Variants in CACNA2D3 observed in about 807,000 individuals in gnomAD.
The protein encoded by CACNA2D3 is voltage-dependent calcium channel subunit alpha-2/delta-3.
A neutral mutation model predicts 160.6 loss-of-function variants in CACNA2D3; 60 were observed. The ratio of observed to expected loss-of-function variants is 0.37; its 90% CI spans 0.30 to 0.46. The LOEUF is 0.46. Among genes scored for constraint, CACNA2D3 ranks in the 20% least tolerant of loss-of-function variants. CACNA2D3 has a pLI of 1.00. For missense variants in CACNA2D3, 1,205 were observed against 1,365.0 expected (o/e 0.88, Z 1.85); for synonymous variants, 558 against 492.9 (o/e 1.13, Z -1.75).
At chr3:54,737,169 T>C (rs1207172281) in intron 11 of CACNA2D3, among the ~76,000 whole-genome samples, 2 of 135,508 alleles carry the variant, frequency 1.5e-5, no homozygotes, top group Admixed American at 8.3e-5. Context: ...ATGAAGCTTA[T>C]ATCCATGTGT....
intron 3 of CACNA2D3, among the ~76,000 whole-genome samples, chr3:54,352,995 A>G (rs1052889916): frequency 7.2e-5 from 11 of 152,214 alleles, no homozygotes; most frequent in African/African-American, 2.7e-4. Flanking sequence ...GCATTTATCC[A>G]TTGAGTTGCA....
intron 4 of CACNA2D3, among the ~76,000 whole-genome samples, chr3:54,392,274 C>G (rs1044922015): frequency 1.3e-5 from 2 of 151,398 alleles, no homozygotes; most frequent in Non-Finnish European, 2.9e-5. Context: ...CATACTCTTT[C>G]TTTTTGAGTT....
chr3:54,339,495 AT>A (rs1425592184), intron 3 of CACNA2D3, among the ~76,000 whole-genome samples: 3 of 152,144 alleles, frequency 2.0e-5, no homozygotes, highest in Non-Finnish European at 4.4e-5. Flanking sequence ...AGTATTTAAA[AT>A]TACCTTTTAA....
intron 27 of CACNA2D3, among the ~76,000 whole-genome samples, chr3:54,919,325 G>A (rs932586640): frequency 2.6e-5 from 4 of 152,198 alleles, no homozygotes; most frequent in Admixed American, 6.5e-5. Flanking sequence ...TAAAATAAAT[G>A]TGCATTGTTG....
At chr3:54,281,260 T>A (rs1404487330) in intron 2 of CACNA2D3, among the ~76,000 whole-genome samples, 2 of 152,226 alleles carry the variant, frequency 1.3e-5, no homozygotes, top group African/African-American at 4.8e-5. Context: ...CCTTGCCACT[T>A]GGAAGCCATG....
chr3:54,597,157 T>G (rs1289276101), intron 9 of CACNA2D3, among the ~76,000 whole-genome samples: 1 of 152,222 alleles, frequency 6.6e-6, no homozygotes, highest in Non-Finnish European at 1.5e-5. Flanking sequence ...AAATCTAACC[T>G]TCTTTCATTA....
chr3:54,841,102 TAAAATG>T (rs933942099), intron 16 of CACNA2D3, among the ~76,000 whole-genome samples: 1 of 152,192 alleles, frequency 6.6e-6, no homozygotes, highest in Non-Finnish European at 1.5e-5. Flanking sequence ...TAGTAATAGT[TAAAATG>T]ATAATAATAA....
At chr3:54,405,862 AAAT>A (rs1699566371) in intron 4 of CACNA2D3, among the ~76,000 whole-genome samples, 1 of 152,014 alleles carries the variant, frequency 6.6e-6, no homozygotes, top group Admixed American at 6.6e-5. Context: ...GCAAAAAAAA[AAAT>A]GACCCAATTA....
chr3:54,945,966 A>G (rs1166507623), intron 27 of CACNA2D3, among the ~76,000 whole-genome samples: 1 of 152,192 alleles, frequency 6.6e-6, no homozygotes, highest in African/African-American at 2.4e-5. Flanking sequence ...TGCTCTTCAC[A>G]AGAGTTCTTT....
chr3:54,253,696 A>C (rs1398085002), intron 2 of CACNA2D3, among the ~76,000 whole-genome samples: 1 of 152,100 alleles, frequency 6.6e-6, no homozygotes, highest in South Asian at 2.1e-4. Context: ...TTGTGTACCC[A>C]TATGTGCCTT....
intron 2 of CACNA2D3, among the ~76,000 whole-genome samples, chr3:54,188,012 C>T (rs1366180417): frequency 2.0e-5 from 3 of 151,966 alleles, no homozygotes; most frequent in Admixed American, 1.3e-4. Flanking sequence ...CAAAGAGAGT[C>T]GAACTCCAAA....
intron 13 of CACNA2D3, among the ~76,000 whole-genome samples, chr3:54,794,277 C>T (rs1451823751): frequency 6.6e-6 from 1 of 152,128 alleles, no homozygotes; most frequent in East Asian, 1.9e-4. Flanking sequence ...GTGCCTTTAA[C>T]TTCTCACAGT....
At chr3:54,766,462 C>A (rs960031865) in intron 13 of CACNA2D3, among the ~76,000 whole-genome samples, 1 of 152,150 alleles carries the variant, frequency 6.6e-6, no homozygotes. Context: ...AAAGCTTAAC[C>A]TTGCACTCTG....
At chr3:54,464,621 G>A (rs377628018) in intron 4 of CACNA2D3, among the ~76,000 whole-genome samples, 6 of 152,314 alleles carry the variant, frequency 3.9e-5, no homozygotes, top group East Asian at 1.9e-4. Flanking sequence ...TTTTAAGCCC[G>A]TCGGAAAAGG....
intron 2 of CACNA2D3, among the ~76,000 whole-genome samples, chr3:54,172,339 G>T (rs772534364): frequency 1.3e-5 from 2 of 152,208 alleles, no homozygotes; most frequent in Non-Finnish European, 1.5e-5. Flanking sequence ...GCTACACACA[G>T]CACTGCTGCA....
rs184220524 is a variant in CACNA2D3 at position 54,286,157 on chromosome 3, T to A, written c.205-34285T>A. 9.2e-5 allele frequency among the ~76,000 whole-genome samples: 14 copies of A among 152,000 alleles called. 1 individual carries two copies. Among genetic ancestry groups the A allele is most frequent in the African/African-American group, 3.1e-4 (13 of 41,438 alleles). On this transcript the variant is annotated intron_variant, in intron 2 of 37. Transcript: ENST00000474759. ...AGCTACAGGAGGAAATTCAAACCAA[T>A]GGCAAAGAAGTTAAAAACTTTGAAA...
chr3:54,281,486 G>C (rs1197707894), intron 2 of CACNA2D3, among the ~76,000 whole-genome samples: 2 of 152,064 alleles, frequency 1.3e-5, no homozygotes, highest in African/African-American at 4.8e-5. Context: ...GAGGGGTGCA[G>C]GCAGACCCCA....
chr3:54,286,323 G>T (rs1012774321), intron 2 of CACNA2D3, among the ~76,000 whole-genome samples: 5 of 152,224 alleles, frequency 3.3e-5, no homozygotes, highest in African/African-American at 1.2e-4. Context: ...GGAAGAAAGG[G>T]TATCAGCAAT....
intron 2 of CACNA2D3, among the ~76,000 whole-genome samples, chr3:54,263,336 G>A (rs1702438641): frequency 6.6e-6 from 1 of 152,160 alleles, no homozygotes; most frequent in Non-Finnish European, 1.5e-5. Flanking sequence ...TGTATTAAGT[G>A]CTTAATGTTT....
Sources: allele counts gnomAD v4.1 joint callset (sites outside exome capture counted in the v4.1 genomes callset), GRCh38; gene constraint gnomAD v4.1.1; transcripts MANE v1.5; gene names NCBI Gene and HGNC (gene_info 2026-07-23, HGNC 2026-07-21).